LRRC7: variants seen among roughly 807,000 people sequenced by gnomAD.
LRRC7 encodes the protein leucine rich repeat containing 7, also known as leucine-rich repeat-containing protein 7.
In LRRC7, 23 loss-of-function variants were observed where a neutral mutation model predicts 175.7. The observed-to-expected ratio is 0.13, with a 90% CI of 0.09 to 0.19. The LOEUF is 0.19. Among genes scored for constraint, LRRC7 ranks in the 10% least tolerant of loss-of-function variants. The probability of loss-of-function intolerance (pLI) is 1.00; values close to 1 mark genes in which losing one functional copy is unlikely to be tolerated. For synonymous variants in LRRC7, 685 were observed against 680.9 expected, an observed-to-expected ratio of 1.01 and a Z score of -0.09; for missense variants, 1,354 against 1,904.7, an observed-to-expected ratio of 0.71 and a Z score of 5.38.
intron 7 of LRRC7, among the ~76,000 whole-genome samples, chr1:69,841,659 C>T (rs1681746029): frequency 6.6e-6 from 1 of 152,092 alleles, no homozygotes; most frequent in East Asian, 1.9e-4. Flanking sequence ...ATGATTTTGA[C>T]TCTTTGTTTA....
rs548507597 is a variant in LRRC7, at chr1:69,767,606, G to A, written c.303+7213G>A. On this transcript the variant is annotated intron_variant, in intron 3 of 26. Coordinates refer to ENST00000651989, the MANE Select transcript of LRRC7 (RefSeq NM_001370785.2). ...TGAGTATCTGGAACTACAGGTGTGT[G>A]CCACGATGCCCAGATAATTTTTTAT... 6.6e-5 allele frequency among the ~76,000 whole-genome samples: 10 copies of A among 152,146 alleles called. No individual in the cohort carries two copies. The South Asian group carries it at 2.1e-3, about 32-fold the overall frequency.
chr1:70,116,546 C>CAAAAAAAAAAAAAAAAA (rs11336931), intron 26 of LRRC7, among the ~76,000 whole-genome samples: 1 of 104,916 alleles, frequency 9.5e-6, no homozygotes, highest in Non-Finnish European at 2.0e-5. Context: ...GACTCCATGT[C>CAAAAAAAAAAAAAAAAA]AAAAAAAAAA....
At chr1:69,790,929 G>T (rs1675033891) in intron 3 of LRRC7, among the ~76,000 whole-genome samples, 1 of 151,926 alleles carries the variant, frequency 6.6e-6, no homozygotes, top group South Asian at 2.1e-4. Flanking sequence ...GTAACAACCA[G>T]CCCAATTTAT....
chr1:69,919,359 G>A, intron 7 of LRRC7: 1 of 607,522 alleles, frequency 1.6e-6, no homozygotes, highest in South Asian at 2.0e-5. Flanking sequence ...GAGGAAAGAT[G>A]GCGGACGAGG....
chr1:69,975,068 A>T (rs531473571), intron 8 of LRRC7, among the ~76,000 whole-genome samples: 30 of 152,362 alleles, frequency 2.0e-4, no homozygotes, highest in Non-Finnish European at 4.1e-4. Context: ...ATCCTTTAAA[A>T]TAAAGTAGAA....
intron 3 of LRRC7, among the ~76,000 whole-genome samples, chr1:69,761,933 G>A (rs1312469007): frequency 6.6e-6 from 1 of 151,904 alleles, no homozygotes; most frequent in Non-Finnish European, 1.5e-5. Flanking sequence ...AGGAAAATAG[G>A]CATGGGGGGT....
At chr1:70,043,488 A>C (rs1020685667) in intron 21 of LRRC7, among the ~76,000 whole-genome samples, 2 of 152,180 alleles carry the variant, frequency 1.3e-5, no homozygotes, top group Non-Finnish European at 2.9e-5. Context: ...TGGCTTTAAC[A>C]TTGCAATGCA....
chr1:69,935,743 C>T (rs1325310816), intron 8 of LRRC7, among the ~76,000 whole-genome samples: 3 of 152,044 alleles, frequency 2.0e-5, no homozygotes, highest in African/African-American at 7.2e-5. Context: ...GTAGGTACTA[C>T]AATTATTTCT....
chr1:70,032,939 A>G (rs1296518316), intron 18 of LRRC7, among the ~76,000 whole-genome samples: 1 of 152,190 alleles, frequency 6.6e-6, no homozygotes, highest in Non-Finnish European at 1.5e-5. Flanking sequence ...AATCCCCACT[A>G]AATTCTGTTT....
chr1:69,621,449 T>C (rs1212345492), intron 1 of LRRC7, among the ~76,000 whole-genome samples: 2 of 152,228 alleles, frequency 1.3e-5, no homozygotes, highest in African/African-American at 2.4e-5. Context: ...TAATTCAGAT[T>C]GGATCTTAAA....
intron 2 of LRRC7, among the ~76,000 whole-genome samples, chr1:69,704,395 G>T (rs1663764307): frequency 6.6e-6 from 1 of 151,854 alleles, no homozygotes; most frequent in African/African-American, 2.4e-5. Context: ...AATCTCTTCT[G>T]ATCTTAAGGA....
At chr1:70,021,312 C>A (rs1657472210) in intron 16 of LRRC7, 183 bp downstream of exon 16, 1 of 482,284 alleles carries the variant, frequency 2.1e-6, no homozygotes, top group Non-Finnish European at 3.7e-6. Flanking sequence ...ACTAATGTCC[C>A]AAATCTGAGT....
chr1:69,701,060 C>T (rs1027492249), intron 2 of LRRC7, among the ~76,000 whole-genome samples: 1 of 152,130 alleles, frequency 6.6e-6, no homozygotes, highest in Admixed American at 6.5e-5. Flanking sequence ...CAAGTGATTG[C>T]ATTAGGTTCA....
chr1:69,845,759 A>G (rs1682286773), intron 7 of LRRC7, among the ~76,000 whole-genome samples: 1 of 152,144 alleles, frequency 6.6e-6, no homozygotes, highest in South Asian at 2.1e-4. Flanking sequence ...TGAAAATTCC[A>G]TTGTCAAGGA....
intron 11 of LRRC7, among the ~76,000 whole-genome samples, chr1:70,003,383 G>A (rs1280336790): frequency 1.3e-5 from 2 of 152,168 alleles, no homozygotes; most frequent in Non-Finnish European, 2.9e-5. Flanking sequence ...CTACTCTTAG[G>A]AGATGAGGTG....
chr1:69,912,898 T>C (rs1224247487), intron 7 of LRRC7, among the ~76,000 whole-genome samples: 3 of 152,282 alleles, frequency 2.0e-5, no homozygotes, highest in Non-Finnish European at 4.4e-5. Context: ...AAATATACCT[T>C]ACTGTATAAA....
At chr1:69,597,719 AAGTAGAGCT>A (rs1412109400) in intron 1 of LRRC7, among the ~76,000 whole-genome samples, 1 of 152,210 alleles carries the variant, frequency 6.6e-6, no homozygotes, top group Admixed American at 6.5e-5. Context: ...TGTAGATACA[AAGTAGAGCT>A]ATCCGAGGGA....
Position 70,136,907 on chromosome 1 carries a change from C to T in LRRC7, c.*15020C>T, listed in dbSNP as rs1446433402. On this transcript the variant is annotated 3_prime_UTR_variant, in exon 27 of 27. Coordinates refer to ENST00000651989, the MANE Select transcript of LRRC7 (RefSeq NM_001370785.2). ...CTCCTGGCTAATTTTTTATTTTTTG[C>T]AGAGACAGAGTCTTGCTATGTTGCC... 1.3e-5 allele frequency among the ~76,000 whole-genome samples: 2 copies of T among 151,128 alleles called. No individual in the cohort carries two copies. The highest frequency in any genetic ancestry group is 3.9e-4 in the East Asian group (2 of 5,118).
rs192690690 is a variant in LRRC7 at position 69,781,267 on chromosome 1, G to C, written c.304-10776G>C. 1.0e-3 allele frequency among the ~76,000 whole-genome samples: 153 copies of C among 152,128 alleles called. 2 individuals carry two copies. Among genetic ancestry groups the C allele is most frequent in the Admixed American group, 9.5e-3 (145 of 15,274 alleles). The stretch of plus-strand genomic sequence containing the variant: ...CCTGCGGCCTTTGTGAGGGCTCACT[G>C]GATCCTTGTCTTATCCACTCTCCCC... On this transcript the variant is annotated intron_variant, in intron 3 of 26. Coordinates refer to ENST00000651989, the MANE Select transcript of LRRC7 (RefSeq NM_001370785.2).
Sources: allele counts gnomAD v4.1 joint callset (sites outside exome capture counted in the v4.1 genomes callset), GRCh38; gene constraint gnomAD v4.1.1; transcripts MANE v1.5; gene names NCBI Gene and HGNC (gene_info 2026-07-23, HGNC 2026-07-21).